The following STEAP1B variants were observed in gnomAD, a reference collection of about 807,000 sequenced individuals.
The protein encoded by STEAP1B is STEAP family protein MGC87042.
Under a neutral mutation model 27.9 loss-of-function variants are expected in STEAP1B, and 13 were observed. The observed-to-expected ratio is 0.47, with a 90% confidence interval of 0.30 to 0.74. The LOEUF is 0.74. Among genes scored for constraint, STEAP1B ranks in the 30% least tolerant of loss-of-function variants. The probability of loss-of-function intolerance (pLI) is 0.06; values close to 1 mark genes in which losing one functional copy is unlikely to be tolerated. For synonymous variants in STEAP1B, 86 were observed against 107.1 expected, an observed-to-expected ratio of 0.80 and a Z score of 1.22; for missense variants, 250 against 298.7, an observed-to-expected ratio of 0.84 and a Z score of 1.20.
intron 4 of STEAP1B, among the ~76,000 whole-genome samples, chr7:22,448,997 T>A (rs1316816533): frequency 1.3e-5 from 2 of 152,216 alleles, no homozygotes; most frequent in Non-Finnish European, 2.9e-5. Context: ...TTTAATTTTT[T>A]AAGTTTTTAA....
intron 1 of STEAP1B, among the ~76,000 whole-genome samples, chr7:22,496,949 T>C (rs1232327932): frequency 2.0e-5 from 3 of 152,262 alleles, no homozygotes; most frequent in Non-Finnish European, 2.9e-5. Flanking sequence ...ATATTATCTA[T>C]TTCAAAATTA....
At chr7:22,471,325 G>A (rs1713450165) in intron 4 of STEAP1B, among the ~76,000 whole-genome samples, 1 of 152,208 alleles carries the variant, frequency 6.6e-6, no homozygotes, top group South Asian at 2.1e-4. Context: ...AAGGCCTGGT[G>A]TTAGGGTCCC....
Position 22,419,533 on chromosome 7 carries a change from G to A in STEAP1B, c.*271C>T, listed in dbSNP as rs951081623. 2.1e-5 allele frequency: 6 copies of A among 287,582 alleles called. No individual in the cohort carries two copies. Among genetic ancestry groups the A allele is most frequent in the African/African-American group, 6.5e-5 (3 of 45,878 alleles). The allele number at this position is 287,582 out of a possible 1,614,324, so 17.8% of individuals were successfully genotyped here. On this transcript the variant is annotated 3_prime_UTR_variant, in exon 5 of 5. Coordinates refer to ENST00000678116, the MANE Select transcript of STEAP1B (RefSeq NM_001382447.1). Reference sequence around the variant, plus strand: ...GATTATCATGTCTGATCCTCGTGTCGGGATAGGCTAGGTTAGGCTCCGTAA... The same window carrying A: ...GATTATCATGTCTGATCCTCGTGTCAGGATAGGCTAGGTTAGGCTCCGTAA...
intron 2 of STEAP1B, among the ~76,000 whole-genome samples, chr7:22,494,459 A>C (rs562167523): frequency 6.6e-5 from 10 of 150,576 alleles, no homozygotes; most frequent in Non-Finnish European, 1.5e-4. Flanking sequence ...AGAACTATAG[A>C]GTGTTAGAAA....
chr7:22,421,823 C>G (rs1240089560), intron 4 of STEAP1B, among the ~76,000 whole-genome samples: 1 of 152,142 alleles, frequency 6.6e-6, no homozygotes, highest in African/African-American at 2.4e-5. Flanking sequence ...AGACCAGAAA[C>G]TCATTAGGTA....
intron 4 of STEAP1B, among the ~76,000 whole-genome samples, chr7:22,446,236 T>C (rs1785407514): frequency 6.6e-6 from 1 of 152,202 alleles, no homozygotes; most frequent in Admixed American, 6.5e-5. Flanking sequence ...AGATCCCCGG[T>C]CCCTACCCTC....
intron 4 of STEAP1B, among the ~76,000 whole-genome samples, chr7:22,447,557 A>C (rs1785427334): frequency 6.6e-6 from 1 of 152,242 alleles, no homozygotes; most frequent in African/African-American, 2.4e-5. Flanking sequence ...GTCCACAAAC[A>C]CATCATTTGT....
intron 4 of STEAP1B, among the ~76,000 whole-genome samples, chr7:22,450,504 T>C (rs1004489372): frequency 6.6e-6 from 1 of 152,186 alleles, no homozygotes; most frequent in South Asian, 2.1e-4. Context: ...AATTTGTTTC[T>C]GGGTTCTCTA....
chr7:22,466,276 A>G (rs1785781059), intron 4 of STEAP1B, among the ~76,000 whole-genome samples: 1 of 152,102 alleles, frequency 6.6e-6, no homozygotes, highest in Non-Finnish European at 1.5e-5. Context: ...TTACATGGAT[A>G]AATTGTGTGG....
At chr7:22,429,582 A>G (rs982007651) in intron 4 of STEAP1B, among the ~76,000 whole-genome samples, 2 of 152,224 alleles carry the variant, frequency 1.3e-5, no homozygotes, top group Non-Finnish European at 2.9e-5. Context: ...TGATGTATAC[A>G]GTGTGGATAT....
intron 1 of STEAP1B, among the ~76,000 whole-genome samples, chr7:22,498,146 C>T (rs1786473786): frequency 6.6e-6 from 1 of 152,234 alleles, no homozygotes; most frequent in African/African-American, 2.4e-5. Context: ...CCACTCCCCT[C>T]CTGCTGTGCA....
chr7:22,468,235 G>A, intron 4 of STEAP1B, among the ~76,000 whole-genome samples: 1 of 152,022 alleles, frequency 6.6e-6, no homozygotes, highest in East Asian at 1.9e-4. Flanking sequence ...TGGGTGTCCT[G>A]TATTTTATCT....
At chr7:22,487,554 G>A (rs1270683832) in intron 4 of STEAP1B, among the ~76,000 whole-genome samples, 16 of 138,222 alleles carry the variant, frequency 1.2e-4, no homozygotes, top group Admixed American at 1.1e-3. Flanking sequence ...ATTTTAGGAC[G>A]CCGAGGATGG....
intron 4 of STEAP1B, among the ~76,000 whole-genome samples, chr7:22,431,994 T>C (rs1306329087): frequency 6.6e-6 from 1 of 152,174 alleles, no homozygotes; most frequent in Non-Finnish European, 1.5e-5. Flanking sequence ...CCAAAATTCA[T>C]ATATTGAAAT....
At chr7:22,486,848 G>C (rs1786218280) in intron 4 of STEAP1B, among the ~76,000 whole-genome samples, 1 of 152,038 alleles carries the variant, frequency 6.6e-6, no homozygotes, top group East Asian at 1.9e-4. Context: ...CACTCAGGCT[G>C]CCCTGGGGAT....
intron 4 of STEAP1B, among the ~76,000 whole-genome samples, chr7:22,428,223 G>C (rs1352200498): frequency 6.6e-6 from 1 of 152,136 alleles, no homozygotes; most frequent in East Asian, 1.9e-4. Context: ...CTGTCCTGGG[G>C]GTGCTGAGAG....
At chr7:22,432,438 T>C (rs1785200191) in intron 4 of STEAP1B, among the ~76,000 whole-genome samples, 3 of 151,994 alleles carry the variant, frequency 2.0e-5, no homozygotes, top group East Asian at 1.9e-4. Flanking sequence ...TAGCCAGCTG[T>C]AGTGGCATAC....
At chr7:22,476,222 G>C (rs1303761787) in intron 4 of STEAP1B, among the ~76,000 whole-genome samples, 1 of 152,188 alleles carries the variant, frequency 6.6e-6, no homozygotes, top group Non-Finnish European at 1.5e-5. Flanking sequence ...CATAGACTTA[G>C]TGGCTTAAGC....
At chr7:22,451,200 A>C (rs1785482703) in intron 4 of STEAP1B, among the ~76,000 whole-genome samples, 1 of 152,316 alleles carries the variant, frequency 6.6e-6, no homozygotes, top group South Asian at 2.1e-4. Flanking sequence ...CTCAAAAAAA[A>C]AAAAGAAAAG....
Sources: allele counts gnomAD v4.1 joint callset (sites outside exome capture counted in the v4.1 genomes callset), GRCh38; gene constraint gnomAD v4.1.1; transcripts MANE v1.5; gene names NCBI Gene and HGNC (gene_info 2026-07-23, HGNC 2026-07-21).